Variants in ANKRD6 observed in about 807,000 individuals in gnomAD.
ANKRD6 encodes ankyrin repeat domain 6.
ANKRD6 carries 56 observed loss-of-function variants against 82.3 expected under a neutral mutation model. That is an observed-to-expected ratio of 0.68 (90% CI 0.55 to 0.85). The LOEUF is 0.85. Ranked by LOEUF, ANKRD6 falls within the 40% of genes least tolerant of loss-of-function variation. ANKRD6 has a pLI of 0.00. For missense variants in ANKRD6, 852 were observed against 907.6 expected (o/e 0.94, Z 0.79); for synonymous variants, 347 against 352.1 (o/e 0.99, Z 0.16).
chr6:89,617,521 C>T (rs73752794), intron 8 of ANKRD6, among the ~76,000 whole-genome samples: 168 of 152,344 alleles, frequency 1.1e-3, no homozygotes, highest in African/African-American at 3.9e-3. Flanking sequence ...CCGGCGTCTT[C>T]CCACTGTTTT....
intron 5 of ANKRD6, among the ~76,000 whole-genome samples, chr6:89,607,151 CAG>C (rs1798858901): frequency 7.2e-6 from 1 of 139,294 alleles, no homozygotes; most frequent in Non-Finnish European, 1.5e-5. Context: ...GCTTGGGTGA[CAG>C]AGTGAGACCC....
intron 1 of ANKRD6, among the ~76,000 whole-genome samples, chr6:89,460,475 C>T (rs990250719): frequency 6.6e-6 from 1 of 151,958 alleles, no homozygotes; most frequent in South Asian, 2.1e-4. Flanking sequence ...TCTCGCTTGT[C>T]GCCCAGGCTG....
chr6:89,542,829 A>C (rs905151705), intron 1 of ANKRD6, among the ~76,000 whole-genome samples: 3 of 152,236 alleles, frequency 2.0e-5, no homozygotes, highest in Non-Finnish European at 4.4e-5. Flanking sequence ...TACTCATATG[A>C]GGGCAAAAAT....
intron 6 of ANKRD6, among the ~76,000 whole-genome samples, chr6:89,613,187 CTG>C (rs1800657233): frequency 6.6e-6 from 1 of 152,210 alleles, no homozygotes; most frequent in African/African-American, 2.4e-5. Context: ...CATCCTGCCC[CTG>C]AGTTTTTCTT....
At chr6:89,455,064 G>C (rs371474972) in intron 1 of ANKRD6, among the ~76,000 whole-genome samples, 3 of 151,202 alleles carry the variant, frequency 2.0e-5, no homozygotes, top group Non-Finnish European at 4.4e-5. Flanking sequence ...GGCTGGTCTC[G>C]AACTCTCGAT....
chr6:89,584,463 C>G (rs1001460800), intron 2 of ANKRD6, among the ~76,000 whole-genome samples: 5 of 152,152 alleles, frequency 3.3e-5, no homozygotes, highest in African/African-American at 1.2e-4. Flanking sequence ...ATAAATTAAG[C>G]CAGGAACTTG....
At chr6:89,482,028 G>A (rs951482409) in intron 1 of ANKRD6, among the ~76,000 whole-genome samples, 8 of 152,164 alleles carry the variant, frequency 5.3e-5, no homozygotes, top group African/African-American at 1.9e-4. Context: ...CCCCTCATAA[G>A]GTGGAAATAG....
At chr6:89,528,389 A>G (rs1782764488) in intron 1 of ANKRD6, among the ~76,000 whole-genome samples, 1 of 152,364 alleles carries the variant, frequency 6.6e-6, no homozygotes, top group South Asian at 2.1e-4. Flanking sequence ...CTCATCCGTA[A>G]GAAGGAACTC....
intron 2 of ANKRD6, among the ~76,000 whole-genome samples, chr6:89,585,648 C>T (rs1333746692): frequency 1.3e-5 from 2 of 152,212 alleles, no homozygotes; most frequent in East Asian, 1.9e-4. Context: ...ATGGCTCACG[C>T]CTGTAATCCC....
rs1584045521 is a variant in ANKRD6 at position 89,632,791 on chromosome 6, C to A, written c.*1787C>A. The A allele has an allele frequency of 6.6e-6, 1 of 152,174 alleles. No homozygotes were observed. The highest frequency in any genetic ancestry group is 1.9e-4 in the East Asian group (1 of 5,194). The allele number at this position is 152,174 out of a possible 1,614,324, so 9.4% of individuals were successfully genotyped here. ...TACAGAATTGTAGAGCTGGAGAGTA[C>A]CTTCAGTTTTCTAAATCTATTCTCA... On this transcript the variant is annotated 3_prime_UTR_variant, in exon 16 of 16. Coordinates refer to ENST00000339746, the MANE Select transcript of ANKRD6 (RefSeq NM_001242809.2).
intron 9 of ANKRD6, chr6:89,618,234 C>G: frequency 1.4e-6 from 1 of 701,154 alleles, no homozygotes; most frequent in East Asian, 2.7e-5. Flanking sequence ...ATGCCTGGGC[C>G]GCCTCATCTT....
At chr6:89,562,418 A>C (rs568935691) in intron 1 of ANKRD6, 1 of 152,290 alleles carries the variant, frequency 6.6e-6, no homozygotes, top group South Asian at 2.1e-4. Context: ...TTTATTACAG[A>C]TTTCAACCCT....
chr6:89,618,258 G>A (rs1338309235), intron 9 of ANKRD6: 1 of 679,272 alleles, frequency 1.5e-6, no homozygotes, highest in Admixed American at 2.1e-5. Context: ...CCTGTGGCTG[G>A]ATCTTTGTCA....
intron 1 of ANKRD6, among the ~76,000 whole-genome samples, chr6:89,438,273 G>T (rs773060808): frequency 3.3e-5 from 5 of 152,138 alleles, no homozygotes; most frequent in Non-Finnish European, 7.4e-5. Context: ...AGCTCTCCTG[G>T]GTAGCTGTCC....
intron 2 of ANKRD6, among the ~76,000 whole-genome samples, chr6:89,578,286 CTTTTTTTTTT>C (rs71024383): frequency 8.4e-6 from 1 of 119,128 alleles, no homozygotes; most frequent in Non-Finnish European, 1.7e-5. Flanking sequence ...CTCCCGCCTC[CTTTTTTTTTT>C]TTTTTTTTTT....
At chr6:89,598,143 C>T (rs1297209311) in intron 3 of ANKRD6, 1 of 985,360 alleles carries the variant, frequency 1.0e-6, no homozygotes, top group Non-Finnish European at 1.2e-6. Flanking sequence ...GAAGAATGAC[C>T]TCCAGTGGCC....
At chr6:89,581,867 C>T (rs1792610805) in intron 2 of ANKRD6, among the ~76,000 whole-genome samples, 9 of 152,144 alleles carry the variant, frequency 5.9e-5, no homozygotes, top group Admixed American at 2.0e-4. Flanking sequence ...CGTTCTGCTC[C>T]GGGTTAGCAC....
At chr6:89,514,377 CAAAA>C (rs942254838) in intron 1 of ANKRD6, among the ~76,000 whole-genome samples, 1 of 150,966 alleles carries the variant, frequency 6.6e-6, no homozygotes, top group Non-Finnish European at 1.5e-5. Context: ...GACTCCATCT[CAAAA>C]AAAAAAATTT....
chr6:89,535,324 G>T (rs1039355776), intron 1 of ANKRD6, among the ~76,000 whole-genome samples: 2 of 151,446 alleles, frequency 1.3e-5, no homozygotes, highest in African/African-American at 4.8e-5. Flanking sequence ...CCAAGAATTA[G>T]CCATCCTGGG....
Sources: allele counts gnomAD v4.1 joint callset (sites outside exome capture counted in the v4.1 genomes callset), GRCh38; gene constraint gnomAD v4.1.1; transcripts MANE v1.5; gene names NCBI Gene and HGNC (gene_info 2026-07-23, HGNC 2026-07-21).